The following KCNAB1 variants were observed in gnomAD, a reference collection of about 807,000 sequenced individuals.
KCNAB1 encodes the protein potassium voltage-gated channel subfamily A regulatory beta subunit 1, also known as voltage-gated potassium channel subunit beta-1.
A neutral mutation model predicts 64.6 loss-of-function variants in KCNAB1; 35 were observed. The observed-to-expected ratio is 0.54, with a 90% confidence interval of 0.41 to 0.72. KCNAB1 has a LOEUF of 0.72. Among genes scored for constraint, KCNAB1 ranks in the 30% least tolerant of loss-of-function variants. The pLI is 0.00. For missense variants in KCNAB1, 401 were observed against 512.9 expected, an observed-to-expected ratio of 0.78 and a Z score of 2.11; for synonymous variants, 177 against 183.8, an observed-to-expected ratio of 0.96 and a Z score of 0.30.
intron 1 of KCNAB1, among the ~76,000 whole-genome samples, chr3:156,275,953 T>C (rs1272496549): frequency 6.6e-6 from 1 of 152,144 alleles, no homozygotes; most frequent in Non-Finnish European, 1.5e-5. Context: ...GCATCTAGAA[T>C]GGTGAGTTTT....
At chr3:156,476,519 A>G (rs974106369) in intron 8 of KCNAB1, among the ~76,000 whole-genome samples, 1 of 110,100 alleles carries the variant, frequency 9.1e-6, no homozygotes, top group African/African-American at 4.5e-5. Context: ...ATATATATAT[A>G]TATACACACA....
At chr3:156,308,400 G>T (rs990473866) in intron 1 of KCNAB1, among the ~76,000 whole-genome samples, 4 of 152,206 alleles carry the variant, frequency 2.6e-5, no homozygotes, top group African/African-American at 9.6e-5. Flanking sequence ...CCTAAGGATT[G>T]CTCGGGTTTC....
At chr3:156,309,860 T>TC (rs1333482100) in intron 1 of KCNAB1, among the ~76,000 whole-genome samples, 1 of 152,184 alleles carries the variant, frequency 6.6e-6, no homozygotes, top group Non-Finnish European at 1.5e-5. Context: ...GAGAATTAGT[T>TC]CTAGAATTCT....
At chr3:156,499,858 T>G (rs766827664) in intron 8 of KCNAB1, among the ~76,000 whole-genome samples, 1 of 152,170 alleles carries the variant, frequency 6.6e-6, no homozygotes, top group Non-Finnish European at 1.5e-5. Flanking sequence ...TCTGTTGCCA[T>G]GTGGCCTAGG....
At chr3:156,386,799 G>C (rs1712629395) in intron 1 of KCNAB1, among the ~76,000 whole-genome samples, 2 of 152,146 alleles carry the variant, frequency 1.3e-5, no homozygotes, top group Non-Finnish European at 2.9e-5. Flanking sequence ...ATGCTCAAAG[G>C]TTCCCTTACC....
chr3:156,432,872 A>AC (rs1416192245), intron 2 of KCNAB1, among the ~76,000 whole-genome samples: 3 of 151,876 alleles, frequency 2.0e-5, no homozygotes, highest in Non-Finnish European at 4.4e-5. Context: ...TCGTTACCTA[A>AC]CCCCACCATT....
rs370440604 is a variant in KCNAB1 at position 156,141,334 on chromosome 3, A to G, written c.275+20448A>G. Among the ~76,000 whole-genome samples, 6 of 152,352 alleles carry G rather than the reference A, an allele frequency of 3.9e-5. No individual in the cohort carries two copies. In the East Asian group the frequency reaches 1.2e-3, roughly 29 times the overall value. ...TGTATTGATTGATGTGACCACTACC[A>G]TAATCAAGACACAACAGTTCCATTA... On this transcript the variant is annotated intron_variant, in intron 1 of 13. Coordinates refer to ENST00000490337, the MANE Select transcript of KCNAB1 (RefSeq NM_172160.3).
chr3:156,335,623 G>T (rs1415133363), intron 1 of KCNAB1, among the ~76,000 whole-genome samples: 1 of 152,264 alleles, frequency 6.6e-6, no homozygotes, highest in African/African-American at 2.4e-5. Flanking sequence ...AAGTAATTGT[G>T]TTAGGATTTC....
At chr3:156,273,355 A>G (rs768742434) in intron 1 of KCNAB1, among the ~76,000 whole-genome samples, 5 of 152,054 alleles carry the variant, frequency 3.3e-5, no homozygotes, top group Admixed American at 6.5e-5. Context: ...ATAGCACTTT[A>G]CCCCCTGGCA....
At chr3:156,172,182 CA>C (rs1262838105) in intron 1 of KCNAB1, among the ~76,000 whole-genome samples, 2 of 152,196 alleles carry the variant, frequency 1.3e-5, no homozygotes, top group African/African-American at 4.8e-5. Flanking sequence ...TGAGCAAACA[CA>C]CTCTAAGTCC....
At chr3:156,374,545 G>T (rs1711528805) in intron 1 of KCNAB1, among the ~76,000 whole-genome samples, 1 of 135,418 alleles carries the variant, frequency 7.4e-6, no homozygotes, top group South Asian at 2.2e-4. Context: ...CTAGCAATAG[G>T]TAGTTCCAGT....
intron 1 of KCNAB1, among the ~76,000 whole-genome samples, chr3:156,158,820 C>T (rs1715909562): frequency 6.6e-6 from 1 of 152,210 alleles, no homozygotes; most frequent in African/African-American, 2.4e-5. Context: ...CTACCTCATT[C>T]ACTCCCAGAA....
chr3:156,172,902 C>A (rs1232642719), intron 1 of KCNAB1, among the ~76,000 whole-genome samples: 1 of 152,234 alleles, frequency 6.6e-6, no homozygotes, highest in Non-Finnish European at 1.5e-5. Flanking sequence ...CATGTGGCCC[C>A]ACACAACTTT....
At chr3:156,151,196 G>T (rs1245964924) in intron 1 of KCNAB1, among the ~76,000 whole-genome samples, 3 of 152,148 alleles carry the variant, frequency 2.0e-5, no homozygotes, top group African/African-American at 7.2e-5. Flanking sequence ...TTGTGGGCCT[G>T]GCTCATCACC....
At chr3:156,271,488 T>C (rs1357804204) in intron 1 of KCNAB1, among the ~76,000 whole-genome samples, 1 of 152,254 alleles carries the variant, frequency 6.6e-6, no homozygotes, top group Non-Finnish European at 1.5e-5. Flanking sequence ...TAATGCATTC[T>C]TCAGTATGTT....
rs182189147 is a variant in KCNAB1, at chr3:156,250,240, G to C, written c.275+129354G>C. On this transcript the variant is annotated intron_variant, in intron 1 of 13. Transcript: ENST00000490337. Reference sequence around the variant, plus strand: ...TGCACCAAGGGAGTTGTTGGCCCTAGAAAGCATCAGGGACAGTCCATCCTT... The same window carrying C: ...TGCACCAAGGGAGTTGTTGGCCCTACAAAGCATCAGGGACAGTCCATCCTT... Among the ~76,000 whole-genome samples the C allele has an allele frequency of 4.0e-3, 604 of 152,266 alleles. 12 individuals carry two copies. Among genetic ancestry groups the C allele is most frequent in the Non-Finnish European group, 1.3e-3 (90 of 68,000 alleles).
intron 1 of KCNAB1, among the ~76,000 whole-genome samples, chr3:156,244,735 A>G (rs1717356523): frequency 6.6e-6 from 1 of 152,188 alleles, no homozygotes; most frequent in South Asian, 2.1e-4. Flanking sequence ...TTCAGATTTT[A>G]CCAGAGTTAT....
At chr3:156,345,441 T>C (rs1178082477) in intron 1 of KCNAB1, among the ~76,000 whole-genome samples, 4 of 152,158 alleles carry the variant, frequency 2.6e-5, no homozygotes, top group Middle Eastern at 3.2e-3. Flanking sequence ...GAGGTTAACA[T>C]TGTATTATGG....
intron 8 of KCNAB1, among the ~76,000 whole-genome samples, chr3:156,495,542 A>C (rs954795583): frequency 3.9e-5 from 6 of 152,162 alleles, no homozygotes; most frequent in African/African-American, 1.4e-4. Flanking sequence ...TGGAATACTA[A>C]GTTTGCTGAT....
Sources: allele counts gnomAD v4.1 joint callset (sites outside exome capture counted in the v4.1 genomes callset), GRCh38; gene constraint gnomAD v4.1.1; transcripts MANE v1.5; gene names NCBI Gene and HGNC (gene_info 2026-07-23, HGNC 2026-07-21).